Variants in PIKFYVE observed in about 807,000 individuals in gnomAD.
PIKFYVE encodes the protein phosphoinositide kinase, FYVE-type zinc finger containing.
A neutral mutation model predicts 257.9 loss-of-function variants in PIKFYVE; 122 were observed. The observed-to-expected ratio is 0.47, with a 90% CI of 0.41 to 0.55. PIKFYVE has a LOEUF of 0.55. Ranked by LOEUF, PIKFYVE falls within the 20% of genes least tolerant of loss-of-function variation. PIKFYVE has a pLI of 0.00. For missense variants in PIKFYVE, 2,160 were observed against 2,536.6 expected (o/e 0.85, Z 3.19); for synonymous variants, 892 against 868.9 (o/e 1.03, Z -0.47).
chr2:208,296,316 A>G (rs1452150359), intron 7 of PIKFYVE, among the ~76,000 whole-genome samples: 1 of 152,134 alleles, frequency 6.6e-6, no homozygotes, highest in East Asian at 1.9e-4. Flanking sequence ...AAACAGACAA[A>G]TTCTAAATAT....
chr2:208,311,093 G>T (rs186958733), intron 12 of PIKFYVE, among the ~76,000 whole-genome samples: 1 of 152,210 alleles, frequency 6.6e-6, no homozygotes, highest in African/African-American at 2.4e-5. Context: ...CAGGTGGATG[G>T]TATACAGCAT....
intron 10 of PIKFYVE, 91 bp downstream of exon 10, chr2:208,302,444 A>G: frequency 1.6e-6 from 2 of 1,224,972 alleles, no homozygotes; most frequent in Middle Eastern, 1.9e-4. Flanking sequence ...GTTTATTAGA[A>G]GATGATTTTT....
chr2:208,320,117 A>G, intron 16 of PIKFYVE, 135 bp from the exon 17 acceptor site: 1 of 1,252,216 alleles, frequency 8.0e-7, no homozygotes, highest in Non-Finnish European at 1.1e-6. Flanking sequence ...GAACTAAATG[A>G]GAATATATTA....
At position 208,357,128 on chromosome 2, in the gene PIKFYVE, C is replaced by A. The variant is rs1159263251; in HGVS notation, c.*1823C>A. On this transcript the variant is annotated 3_prime_UTR_variant, in exon 42 of 42. Transcript: ENST00000264380. Reference sequence around the variant, plus strand: ...GTGCCTTTTGAAGATACACAAAACACTGAGGATTTTAGTTTTGAAATCAAA... The same window carrying A: ...GTGCCTTTTGAAGATACACAAAACAATGAGGATTTTAGTTTTGAAATCAAA... The A allele has an allele frequency of 1.3e-5, 2 of 152,138 alleles. No homozygotes were observed. Among genetic ancestry groups the A allele is most frequent in the Admixed American group, 6.5e-5 (1 of 15,282 alleles). 9.4% of individuals were successfully genotyped at this position (152,138 alleles called of 1,614,324 possible). A position where few individuals can be genotyped will look rare whatever the true frequency, so the allele number is the denominator to read the frequency against.
rs1693794758 is a variant in PIKFYVE, at chr2:208,302,333, G to A, written c.1300G>A (p.Ala434Thr). Residue 434 changes from alanine (A) to threonine (T), a missense_variant, in exon 10 of 42, where the codon GCG becomes ACG. This residue lies in a region of PIKFYVE where 90 missense variants were observed against 110.6 expected (regional missense o/e 0.81). Transcript: ENST00000264380. Reference sequence around the variant, plus strand: ...CGACCAGCTTTTCAGAGATGAGTATGCGCTGTATAGACCACTGCAGGTACT... The same window carrying A: ...CGACCAGCTTTTCAGAGATGAGTATACGCTGTATAGACCACTGCAGGTACT... ...HHDQLFRDEY[A>T]LYRPLQSTEF... 6.2e-7 allele frequency: 1 copy of A among 1,613,874 alleles called. No individual in the cohort carries two copies. Among genetic ancestry groups the A allele is most frequent in the African/African-American group, 1.3e-5 (1 of 74,930 alleles).
intron 16 of PIKFYVE, among the ~76,000 whole-genome samples, chr2:208,319,845 TCTC>T (rs375068154): frequency 2.2e-3 from 331 of 152,298 alleles, no homozygotes; most frequent in African/African-American, 6.2e-3. Context: ...TTCTCCCTCT[TCTC>T]CTCTTCAATT....
intron 34 of PIKFYVE, among the ~76,000 whole-genome samples, chr2:208,346,825 C>T (rs1281730077): frequency 2.0e-5 from 3 of 152,226 alleles, no homozygotes; most frequent in South Asian, 2.1e-4. Context: ...AATAGTTTCT[C>T]TATGATTCCT....
At chr2:208,279,995 T>TA (rs1690596311) in intron 5 of PIKFYVE, among the ~76,000 whole-genome samples, 1 of 152,150 alleles carries the variant, frequency 6.6e-6, no homozygotes, top group Non-Finnish European at 1.5e-5. Context: ...GCTTTTAAAA[T>TA]ACATTTTTTT....
chr2:208,328,413 G>T, intron 21 of PIKFYVE, 133 bp downstream of exon 21: 1 of 1,068,820 alleles, frequency 9.4e-7, no homozygotes, highest in Non-Finnish European at 1.4e-6. Flanking sequence ...TATATGAATT[G>T]ATAGAACTTT....
intron 7 of PIKFYVE, among the ~76,000 whole-genome samples, chr2:208,289,766 C>T (rs914418498): frequency 1.3e-5 from 2 of 152,008 alleles, no homozygotes; most frequent in Non-Finnish European, 2.9e-5. Flanking sequence ...TGGGGTTTCA[C>T]TTTGTTGTTC....
chr2:208,292,924 G>A (rs971607596), intron 7 of PIKFYVE, among the ~76,000 whole-genome samples: 2 of 66,206 alleles, frequency 3.0e-5, no homozygotes, highest in African/African-American at 6.3e-5. Flanking sequence ...GATTACTGAT[G>A]TAGTTAGAGT....
chr2:208,336,697 T>C (rs1423046498), intron 27 of PIKFYVE, 141 bp from the exon 28 acceptor site: 9 of 555,952 alleles, frequency 1.6e-5, no homozygotes, highest in Non-Finnish European at 2.6e-5. Flanking sequence ...CTTACTCTTA[T>C]TTATATATAA....
Position 208,325,289 on chromosome 2 carries a change from G to GT in PIKFYVE, c.2484dup (p.Glu829Ter). On this transcript the variant is annotated frameshift_variant, in exon 20 of 42. Transcript: ENST00000264380. LOFTEE classifies it high-confidence loss of function. ...TTGTAGAACAAACCAAGACACTGAT[G>GT]TTTTTTGAAGGTTGTCCACAGCACC... The GT allele has an allele frequency of 6.2e-7, 1 of 1,613,990 alleles. No individual in the cohort carries two copies. The highest frequency in any genetic ancestry group is 8.5e-7 in the Non-Finnish European group (1 of 1,179,966).
At chr2:208,342,984 G>A (rs926719602) in intron 32 of PIKFYVE, among the ~76,000 whole-genome samples, 3 of 151,812 alleles carry the variant, frequency 2.0e-5, no homozygotes, top group East Asian at 1.9e-4. Context: ...TAGTAGAGAT[G>A]GGGTTTCACC....
chr2:208,317,845 GTTTTC>G lies in PIKFYVE; in HGVS notation c.2008-19_2008-15del. ...AAGCATGTTATCATTGAATTTTATT[GTTTTC>G]TTAATTGTTCCATTAGATCCCAGGT... On this transcript the variant is annotated splice_polypyrimidine_tract_variant and intron_variant, in intron 15 of 41. Coordinates refer to ENST00000264380, the MANE Select transcript of PIKFYVE (RefSeq NM_015040.4). 6.3e-7 allele frequency: 1 copy of G among 1,585,626 alleles called. No homozygotes were observed. The highest frequency in any genetic ancestry group is 8.7e-7 in the Non-Finnish European group (1 of 1,154,184).
At chr2:208,309,453 G>A (rs186762334) in intron 12 of PIKFYVE, among the ~76,000 whole-genome samples, 1 of 152,162 alleles carries the variant, frequency 6.6e-6, no homozygotes, top group Admixed American at 6.5e-5. Flanking sequence ...CACTCCCTAG[G>A]GCAATAATAG....
In PIKFYVE at chr2:208,348,011, G is replaced by GT; in HGVS notation, c.5364dup (p.Glu1789Ter). ...CAAGGAGGGGACCGAGAATCAAGGC[G>GT]TTGAGCCTCAAGGTGTGTTAAAGAA... On this transcript the variant is annotated frameshift_variant, in exon 35 of 42. Coordinates refer to ENST00000264380, the MANE Select transcript of PIKFYVE (RefSeq NM_015040.4). LOFTEE classifies it high-confidence loss of function. 1 of 1,614,108 alleles carries GT rather than the reference G, an allele frequency of 6.2e-7. No homozygotes were observed. Among genetic ancestry groups the GT allele is most frequent in the East Asian group, 2.2e-5 (1 of 44,876 alleles).
chr2:208,324,365 T>A, intron 18 of PIKFYVE, 83 bp downstream of exon 18: 1 of 1,415,504 alleles, frequency 7.1e-7, no homozygotes, highest in East Asian at 2.3e-5. Context: ...TATACAAGAA[T>A]CTTTTTTTCT....
At chr2:208,268,391 C>T (rs1008646114) in intron 1 of PIKFYVE, among the ~76,000 whole-genome samples, 10 of 148,270 alleles carry the variant, frequency 6.7e-5, no homozygotes, top group East Asian at 2.0e-4. Flanking sequence ...GTGGTTGTTA[C>T]GGCCATCACA....
Sources: gnomAD v4.1 joint callset for allele counts (sites outside exome capture counted in the v4.1 genomes callset) on GRCh38, gnomAD v4.1.1 for gene constraint, gnomAD v4.1.1 regional missense constraint, MANE v1.5 for transcripts, NCBI Gene and HGNC (gene_info 2026-07-23, HGNC 2026-07-21) for gene names.